Variants in ATL2 observed in about 807,000 individuals in gnomAD.
ATL2 encodes atlastin GTPase 2.
In ATL2, 31 loss-of-function variants were observed where a neutral mutation model predicts 73.9. The observed-to-expected ratio is 0.42, with a 90% CI of 0.32 to 0.57. The LOEUF (loss-of-function observed/expected upper bound fraction) is 0.57. Ranked by LOEUF, ATL2 falls within the 20% of genes least tolerant of loss-of-function variation. The pLI, the probability that ATL2 is intolerant of heterozygous loss-of-function variation, is 0.14. For missense variants in ATL2, 738 were observed against 702.6 expected (o/e 1.05, Z -0.57); for synonymous variants, 291 against 237.5 (o/e 1.23, Z -2.07).
In ATL2 at chr2:38,305,620, G is replaced by A. The variant is rs116395918; in HGVS notation, c.1071+3759C>T. On this transcript the variant is annotated intron_variant, in intron 9 of 12. Transcript: ENST00000378954. ...ACCACAATGGAATAAAATCAATAAC[G>A]AGGAATTTTGGAAACTATACAAACA... Among the ~76,000 whole-genome samples the A allele has an allele frequency of 8.0e-3, 1,214 of 151,928 alleles. 9 individuals are homozygous for A. Among genetic ancestry groups the A allele is most frequent in the Middle Eastern group, 0.014 (4 of 294 alleles).
At chr2:38,327,898 C>T (rs781322480) in intron 2 of ATL2, among the ~76,000 whole-genome samples, 4 of 151,992 alleles carry the variant, frequency 2.6e-5, no homozygotes, top group African/African-American at 4.8e-5. Flanking sequence ...ATTGTGCCAC[C>T]GCACTCCAGC....
intron 1 of ATL2, among the ~76,000 whole-genome samples, chr2:38,352,557 G>C (rs1410191960): frequency 1.3e-5 from 2 of 152,164 alleles, no homozygotes; most frequent in East Asian, 3.8e-4. Flanking sequence ...GTGGAGCCCA[G>C]AACTCCTTGG....
chr2:38,356,860 T>C lies in ATL2; in HGVS notation c.119-13348A>G, dbSNP rs150072008. On this transcript the variant is annotated intron_variant, in intron 1 of 12. Coordinates refer to ENST00000378954, the MANE Select transcript of ATL2 (RefSeq NM_001135673.4). Reference sequence around the variant, plus strand: ...TTGTATGAACGGTCTATTCACAATCTAGATAGTTTTAAAGAAATGTTTAAA... The same window carrying C: ...TTGTATGAACGGTCTATTCACAATCCAGATAGTTTTAAAGAAATGTTTAAA... 2.4e-3 allele frequency among the ~76,000 whole-genome samples: 358 copies of C among 152,296 alleles called. 4 individuals are homozygous for C. The highest frequency in any genetic ancestry group is 8.3e-3 in the African/African-American group (346 of 41,550).
At chr2:38,309,314 A>G in intron 9 of ATL2, 65 bp downstream of exon 9, 2 of 1,469,126 alleles carry the variant, frequency 1.4e-6, no homozygotes, top group African/African-American at 1.4e-5. Context: ...TTTCTTATAC[A>G]TACAGATGAG....
chr2:38,366,885 C>G (rs139650356), intron 1 of ATL2, among the ~76,000 whole-genome samples: 1 of 152,126 alleles, frequency 6.6e-6, no homozygotes, highest in South Asian at 2.1e-4. Flanking sequence ...TGTCCCATTC[C>G]GGCCTCTAGT....
chr2:38,356,726 A>C (rs1032455792), intron 1 of ATL2, among the ~76,000 whole-genome samples: 65 of 152,332 alleles, frequency 4.3e-4, no homozygotes, highest in African/African-American at 1.5e-3. Flanking sequence ...AAAACTGTTA[A>C]TGTAAATAAA....
At chr2:38,326,825 T>C (rs2148453308) in intron 2 of ATL2, among the ~76,000 whole-genome samples, 1 of 151,840 alleles carries the variant, frequency 6.6e-6, no homozygotes, top group Middle Eastern at 3.4e-3. Flanking sequence ...CCATCTATAC[T>C]AAAAATACAA....
At chr2:38,345,913 T>C (rs551223813) in intron 1 of ATL2, among the ~76,000 whole-genome samples, 13 of 152,360 alleles carry the variant, frequency 8.5e-5, no homozygotes, top group African/African-American at 2.9e-4. Context: ...GTCATCAGGA[T>C]TCAATGAGTT....
intron 1 of ATL2, among the ~76,000 whole-genome samples, chr2:38,356,851 T>G (rs1416642500): frequency 6.6e-6 from 1 of 152,216 alleles, no homozygotes; most frequent in East Asian, 1.9e-4. Context: ...GAACGGTCTA[T>G]TCACAATCTA....
intron 1 of ATL2, among the ~76,000 whole-genome samples, chr2:38,364,206 G>T (rs559544084): frequency 1.1e-4 from 16 of 152,164 alleles, no homozygotes; most frequent in Non-Finnish European, 2.2e-4. Context: ...AGGTTGCAGT[G>T]AGCCGAGATT....
chr2:38,297,977 T>G, intron 12 of ATL2, 167 bp downstream of exon 12: 1 of 675,036 alleles, frequency 1.5e-6, no homozygotes, highest in Non-Finnish European at 2.4e-6. Context: ...ATTATAACTT[T>G]AAAGAAAAAA....
At chr2:38,317,070 G>A (rs1321371928) in intron 4 of ATL2, among the ~76,000 whole-genome samples, 1 of 152,044 alleles carries the variant, frequency 6.6e-6, no homozygotes, top group East Asian at 1.9e-4. Flanking sequence ...TTTCCACTCT[G>A]ATGGCTAGGT....
intron 2 of ATL2, among the ~76,000 whole-genome samples, chr2:38,334,372 G>A (rs919894385): frequency 5.3e-5 from 8 of 151,532 alleles, no homozygotes; most frequent in Admixed American, 3.3e-4. Flanking sequence ...ATAAGCAGCA[G>A]CAGCCCACAA....
intron 2 of ATL2, among the ~76,000 whole-genome samples, chr2:38,340,009 A>G (rs142470300): frequency 1.1e-4 from 16 of 152,234 alleles, no homozygotes; most frequent in Admixed American, 1.0e-3. Flanking sequence ...GTAGAATATT[A>G]AAGCAACAAA....
At chr2:38,297,300 C>T (rs1028382999) in intron 12 of ATL2, among the ~76,000 whole-genome samples, 1 of 152,130 alleles carries the variant, frequency 6.6e-6, no homozygotes, top group Admixed American at 6.5e-5. Context: ...TCAAAATAAG[C>T]TCAATATTTC....
chr2:38,304,234 G>A lies in ATL2; in HGVS notation c.1072-3906C>T, dbSNP rs555331206. Reference sequence around the variant, plus strand: ...TCTCAGCGGAAACCTTACAGGCCAGGAGAGAGTAGCATGACATAAAGTGCT... The same window carrying A: ...TCTCAGCGGAAACCTTACAGGCCAGAAGAGAGTAGCATGACATAAAGTGCT... On this transcript the variant is annotated intron_variant, in intron 9 of 12. Transcript: ENST00000378954. Among the ~76,000 whole-genome samples the A allele has an allele frequency of 1.4e-3, 215 of 152,288 alleles. 2 individuals are homozygous for A. The highest frequency in any genetic ancestry group is 4.9e-3 in the African/African-American group (203 of 41,558).
At position 38,349,663 on chromosome 2, in the gene ATL2, A is replaced by G. The variant is rs183052922; in HGVS notation, c.119-6151T>C. Reference sequence around the variant, plus strand: ...ATTGTGCACATGTACCCTAAAACTTAAAGTATAATAATAAAAAATAAATAA... The same window carrying G: ...ATTGTGCACATGTACCCTAAAACTTGAAGTATAATAATAAAAAATAAATAA... On this transcript the variant is annotated intron_variant, in intron 1 of 12. Transcript: ENST00000378954. Among the ~76,000 whole-genome samples the G allele has an allele frequency of 8.2e-4, 125 of 151,622 alleles. 1 individual carries two copies. Among genetic ancestry groups the G allele is most frequent in the Non-Finnish European group, 1.8e-4 (12 of 68,014 alleles).
intron 1 of ATL2, among the ~76,000 whole-genome samples, chr2:38,365,535 A>T (rs1438953347): frequency 6.6e-6 from 1 of 152,158 alleles, no homozygotes; most frequent in Non-Finnish European, 1.5e-5. Flanking sequence ...TCACACCTGT[A>T]ATCTTAGCAC....
intron 8 of ATL2, 74 bp downstream of exon 8, chr2:38,310,235 G>A (rs574364224): frequency 9.2e-5 from 139 of 1,508,780 alleles, no homozygotes; most frequent in Admixed American, 3.9e-4. Context: ...CATTTAAGGC[G>A]TCATGTATTT....
Sources: gnomAD v4.1 joint callset for allele counts (sites outside exome capture counted in the v4.1 genomes callset) on GRCh38, gnomAD v4.1.1 for gene constraint, MANE v1.5 for transcripts, NCBI Gene and HGNC (gene_info 2026-07-23, HGNC 2026-07-21) for gene names.